Variants in DST observed in about 807,000 individuals in gnomAD.
DST encodes the protein bullous pemphigoid antigen.
A neutral mutation model predicts 875.2 loss-of-function variants in DST; 253 were observed. That is an observed-to-expected ratio of 0.29 (90% CI 0.26 to 0.32). DST has a LOEUF of 0.32. Ranked by LOEUF, DST falls within the 10% of genes least tolerant of loss-of-function variation. The pLI is 1.00. For missense variants in DST, 8,287 were observed against 9,111.6 expected, an observed-to-expected ratio of 0.91 and a Z score of 3.68; for synonymous variants, 3,124 against 3,197.1, an observed-to-expected ratio of 0.98 and a Z score of 0.77.
intron 3 of DST, among the ~76,000 whole-genome samples, chr6:56,866,465 G>GCTCAAA (rs1774173318): frequency 6.6e-6 from 1 of 152,180 alleles, no homozygotes; most frequent in Admixed American, 6.5e-5. Flanking sequence ...TCATGCCTGT[G>GCTCAAA]CTCAAAACCC....
At chr6:56,565,123 TTC>T in intron 55 of DST, among the ~76,000 whole-genome samples, 1 of 149,782 alleles carries the variant, frequency 6.7e-6, no homozygotes, top group Admixed American at 6.6e-5. Context: ...TTTTTTTTTT[TTC>T]TTTTTTTTTT....
At chr6:56,914,756 A>G (rs2047038359) in intron 2 of DST, among the ~76,000 whole-genome samples, 1 of 152,200 alleles carries the variant, frequency 6.6e-6, no homozygotes, top group Admixed American at 6.5e-5. Context: ...AGCAACAAAG[A>G]GCTTCTAGAG....
intron 4 of DST, among the ~76,000 whole-genome samples, chr6:56,751,285 T>C (rs12204927): frequency 0.15 from 22,752 of 152,104 alleles, 2,307 homozygotes; most frequent in Non-Finnish European, 0.21. Context: ...ATTGATTAAA[T>C]AGACGTCACC....
intron 91 of DST, among the ~76,000 whole-genome samples, chr6:56,476,779 A>G (rs2095213556): frequency 6.6e-6 from 1 of 151,802 alleles, no homozygotes; most frequent in Non-Finnish European, 1.5e-5. Context: ...TGGTGAAACC[A>G]TCTCTACTAA....
intron 2 of DST, among the ~76,000 whole-genome samples, chr6:56,931,161 C>A (rs984837913): frequency 4.3e-4 from 66 of 152,084 alleles, no homozygotes; most frequent in African/African-American, 1.5e-3. Context: ...GAAAGAAAGG[C>A]AAAGGGTATT....
At chr6:56,770,339 T>C (rs2099649262) in intron 4 of DST, among the ~76,000 whole-genome samples, 1 of 152,218 alleles carries the variant, frequency 6.6e-6, no homozygotes, top group Non-Finnish European at 1.5e-5. Flanking sequence ...CGCCATAAAG[T>C]ATGATATAAT....
chr6:56,616,078 T>C lies in DST; in HGVS notation c.4930-1594A>G, dbSNP rs745684551. On this transcript the variant is annotated intron_variant, in intron 36 of 103. Coordinates refer to ENST00000680361, the MANE Select transcript of DST (RefSeq NM_001374736.1). ...CAACCAAATTTCTACGGGAGGCTTT[T>C]AGTACAGAGATCCTTTCCCCACTAG... 2.5e-6 allele frequency: 4 copies of C among 1,614,184 alleles called. No individual in the cohort carries two copies. The Admixed American group carries it at 5.0e-5, about 20-fold the overall frequency.
intron 4 of DST, among the ~76,000 whole-genome samples, chr6:56,751,676 T>A (rs2099587624): frequency 6.6e-6 from 1 of 152,210 alleles, no homozygotes; most frequent in African/African-American, 2.4e-5. Context: ...AACCACCATG[T>A]GGCCCATTAC....
intron 5 of DST, among the ~76,000 whole-genome samples, chr6:56,717,377 A>G (rs893019826): frequency 6.6e-6 from 1 of 152,050 alleles, no homozygotes; most frequent in African/African-American, 2.4e-5. Context: ...GGCCACAGAC[A>G]GAAACTGGTC....
chr6:56,767,267 C>T (rs2099635855), intron 4 of DST, among the ~76,000 whole-genome samples: 1 of 151,986 alleles, frequency 6.6e-6, no homozygotes, highest in Admixed American at 6.6e-5. Context: ...AACAAAGAGC[C>T]CTGACAATGT....
chr6:56,627,102 T>C (rs1256150810), intron 34 of DST, 102 bp downstream of exon 34: 2 of 916,188 alleles, frequency 2.2e-6, no homozygotes, highest in African/African-American at 1.6e-5. Context: ...CAAATGAAGA[T>C]TCTTTTAAAC....
intron 87 of DST, among the ~76,000 whole-genome samples, chr6:56,486,854 G>C (rs2095587877): frequency 6.6e-6 from 1 of 152,162 alleles, no homozygotes; most frequent in African/African-American, 2.4e-5. Flanking sequence ...GAAGCAGTGG[G>C]TGTAGTCAAG....
intron 4 of DST, among the ~76,000 whole-genome samples, chr6:56,753,405 A>T (rs1366738762): frequency 6.6e-6 from 1 of 152,004 alleles, no homozygotes; most frequent in African/African-American, 2.4e-5. Flanking sequence ...TCAAATCCCC[A>T]CTCTGCTACT....
chr6:56,778,539 C>A (rs577023973), intron 4 of DST, among the ~76,000 whole-genome samples: 1 of 122,954 alleles, frequency 8.1e-6, no homozygotes, highest in African/African-American at 3.0e-5. Context: ...CCCCCTCCCC[C>A]CACCCCACAA....
intron 2 of DST, among the ~76,000 whole-genome samples, chr6:56,944,664 C>T (rs1014960952): frequency 4.6e-5 from 7 of 152,170 alleles, no homozygotes; most frequent in Admixed American, 1.3e-4. Flanking sequence ...AACCCTTTGA[C>T]ATTATACTAA....
At chr6:56,460,287 T>C in intron 102 of DST, 33 bp from the exon 103 acceptor site, 2 of 1,613,244 alleles carry the variant, frequency 1.2e-6, no homozygotes, top group Non-Finnish European at 1.7e-6. Flanking sequence ...CATTTCAAAA[T>C]ATTGCTCCTG....
intron 2 of DST, among the ~76,000 whole-genome samples, chr6:56,936,774 A>G (rs1813226506): frequency 6.6e-6 from 1 of 152,198 alleles, no homozygotes; most frequent in Non-Finnish European, 1.5e-5. Flanking sequence ...AAAGAGCAGA[A>G]GAGAATACCA....
chr6:56,568,527 T>C lies in DST; in HGVS notation c.13947A>G (p.Leu4649=), dbSNP rs781204953. The part of the protein sequence containing the change: ...IQKVNNSGIS[L]CNLISAVTTP... ...TGGTCACAGCACTTATTAAGTTACA[T>C]AGTGAGATCCCACTGTTGTTTACTT... The change falls in exon 55 of 104, where the codon CTA becomes CTG. Residue 4649 remains leucine (L), a synonymous_variant. Transcript: ENST00000680361. 2.2e-5 allele frequency: 36 copies of C among 1,612,780 alleles called. No individual in the cohort carries two copies. Among genetic ancestry groups the C allele is most frequent in the Admixed American group, 1.0e-4 (6 of 59,902 alleles).
chr6:56,616,729 T>C, intron 36 of DST: 2 of 1,614,218 alleles, frequency 1.2e-6, no homozygotes, highest in Non-Finnish European at 1.7e-6. Context: ...CAATCTGGGC[T>C]TCCAAGATAT....
Sources: gnomAD v4.1 joint callset for allele counts (sites outside exome capture counted in the v4.1 genomes callset) on GRCh38, gnomAD v4.1.1 for gene constraint, MANE v1.5 for transcripts, NCBI Gene and HGNC (gene_info 2026-07-23, HGNC 2026-07-21) for gene names.